MMP8: variants seen among roughly 807,000 people sequenced by gnomAD.
MMP8 encodes neutrophil collagenase.
In MMP8, 67 loss-of-function variants were observed where a neutral mutation model predicts 51.2. The observed-to-expected ratio is 1.31, with a 90% CI of 1.08 to 1.60. The LOEUF (loss-of-function observed/expected upper bound fraction) is 1.60, where lower values mean the gene tolerates loss of function less well. MMP8 is among the 40% of genes most tolerant of loss of function. The pLI is 0.00. For synonymous variants in MMP8, 225 were observed against 191.0 expected, an observed-to-expected ratio of 1.18 and a Z score of -1.47; for missense variants, 654 against 558.1, an observed-to-expected ratio of 1.17 and a Z score of -1.73.
In MMP8 at chr11:102,715,482, G is replaced by C. The variant is rs756854898; in HGVS notation, c.903-45C>G. 1.0e-4 allele frequency: 157 copies of C among 1,573,976 alleles called. 4 individuals are homozygous for C. In the South Asian group the frequency reaches 1.8e-3, roughly 18 times the overall value. On this transcript the variant is annotated intron_variant, in intron 6 of 9. Transcript: ENST00000236826. ...CACACACACACACTTATACATAACA[G>C]TCTAAGTAGGCAGTTCCTGTGACTT... is the stretch of plus-strand genomic sequence containing the variant.
At chr11:102,721,865 TA>T in intron 2 of MMP8, 103 bp from the exon 3 acceptor site, 2 of 1,331,336 alleles carry the variant, frequency 1.5e-6, no homozygotes, top group Admixed American at 4.0e-5. Context: ...CATGGTGTGC[TA>T]CCACTGGAGA....
At position 102,717,891 on chromosome 11, in the gene MMP8, G is replaced by A. The variant is rs566124673; in HGVS notation, c.784+523C>T. ...GGAGGCTGAGGTGGGCAGATCACTC[G>A]AGGTCAGGAGTTCAAGACCAGCCTG... On this transcript the variant is annotated intron_variant, in intron 5 of 9. Transcript: ENST00000236826. Among the ~76,000 whole-genome samples the A allele has an allele frequency of 1.5e-3, 223 of 152,276 alleles. 2 individuals are homozygous for A. Among genetic ancestry groups the A allele is most frequent in the African/African-American group, 5.1e-3 (214 of 41,558 alleles).
rs1304173785 is a variant in MMP8 at position 102,712,986 on chromosome 11, T to C, written c.*362A>G. On this transcript the variant is annotated 3_prime_UTR_variant, in exon 10 of 10. Coordinates refer to ENST00000236826, the MANE Select transcript of MMP8 (RefSeq NM_002424.3). ...CTAAATTGCATGTAGAAGATATACA[T>C]AGGACATTTTAAGAAACTGAGGGAT... 4 of 183,884 alleles carry C rather than the reference T, an allele frequency of 2.2e-5. No individual in the cohort carries two copies. The highest frequency in any genetic ancestry group is 3.4e-5 in the Non-Finnish European group (3 of 88,240). 11.4% of individuals were successfully genotyped at this position (183,884 alleles called of 1,614,324 possible).
intron 1 of MMP8, 25 bp from the exon 2 acceptor site, chr11:102,722,698 G>T: frequency 1.2e-6 from 2 of 1,609,654 alleles, no homozygotes; most frequent in Non-Finnish European, 1.7e-6. Context: ...GCACATAGGG[G>T]TCTTGCTGTG....
Position 102,716,431 on chromosome 11 carries a change from A to G in MMP8, c.785-12T>C, listed in dbSNP as rs1211086239. On this transcript the variant is annotated splice_polypyrimidine_tract_variant and intron_variant, in intron 5 of 9. Coordinates refer to ENST00000236826, the MANE Select transcript of MMP8 (RefSeq NM_002424.3). ...GTTGCTTGAAAGTCCTGGAAAAAAA[A>G]AAAAAAAAAAAAAAAAGGTCTTTCT... The G allele has an allele frequency of 7.0e-7, 1 of 1,422,764 alleles. No individual in the cohort carries two copies. The highest frequency in any genetic ancestry group is 2.5e-5 in the East Asian group (1 of 40,622). 88.1% of individuals were successfully genotyped at this position (1,422,764 alleles called of 1,614,324 possible). A position where few individuals can be genotyped will look rare whatever the true frequency, so the allele number is the denominator to read the frequency against.
rs1861370327 is a variant in MMP8, at chr11:102,718,471, C to T, written c.727G>A (p.Glu243Lys). Residue 243 changes from glutamate to lysine, a missense_variant, in exon 5 of 10, where the codon GAA becomes AAA. Glu to Lys is a moderately conservative substitution (Grantham distance 56). Transcript: ENST00000236826. ...ALMYPNYAFR[E>K]TSNYSLPQDD... ...TGAGGGAGTGAGTAGTTGCTGGTTT[C>T]CCTGAAAGCATAGTTGGGATACATC... The T allele has an allele frequency of 6.2e-7, 1 of 1,613,726 alleles. No individual in the cohort carries two copies. Among genetic ancestry groups the T allele is most frequent in the Non-Finnish European group, 8.5e-7 (1 of 1,179,856 alleles).
chr11:102,722,290 T>C lies in MMP8; in HGVS notation c.347+139A>G, dbSNP rs57828130. On this transcript the variant is annotated intron_variant, in intron 2 of 9. Coordinates refer to ENST00000236826, the MANE Select transcript of MMP8 (RefSeq NM_002424.3). ...GTATCTCAACATTTTCATTCTCATA[T>C]TCATTCACTACTCACACTCTTCAAA... The C allele has an allele frequency of 1.7e-4, 161 of 941,322 alleles. 1 individual carries two copies. The East Asian group carries it at 3.8e-3, about 22-fold the overall frequency. 58.3% of individuals were successfully genotyped at this position (941,322 alleles called of 1,614,324 possible).
At chr11:102,715,481 A>T in intron 6 of MMP8, 44 bp from the exon 7 acceptor site, 1 of 1,574,390 alleles carries the variant, frequency 6.4e-7, no homozygotes, top group Non-Finnish European at 8.6e-7. Context: ...TATACATAAC[A>T]GTCTAAGTAG....
rs113713628 is a variant in MMP8 at position 102,721,318 on chromosome 11, T to TTTTG, written c.622+82_622+83insCAAA. The TTTTG allele has an allele frequency of 2.3e-5, 31 of 1,353,582 alleles. No individual in the cohort carries two copies. In the East Asian group the frequency reaches 6.4e-4, roughly 28 times the overall value. 83.8% of individuals were successfully genotyped at this position (1,353,582 alleles called of 1,614,324 possible). A position where few individuals can be genotyped will look rare whatever the true frequency, so the allele number is the denominator to read the frequency against. On this transcript the variant is annotated intron_variant, in intron 4 of 9. Transcript: ENST00000236826. Reference sequence around the variant, plus strand: ...AGTTTGAAATATTATGTTACCTTTATTGTGTGTGTGTGTGTGTGTGTATTC... The same window carrying TTTTG: ...AGTTTGAAATATTATGTTACCTTTATTTTGTGTGTGTGTGTGTGTGTGTGTATTC...
rs769473206 is a variant in MMP8 at position 102,724,783 on chromosome 11, A to G, written c.73T>C (p.Ser25Pro). The change falls in exon 1 of 10, where the codon TCT becomes CCT. Residue 25 changes from serine (S) to proline (P), a missense_variant. Coordinates refer to ENST00000236826, the MANE Select transcript of MMP8 (RefSeq NM_002424.3). ...VQISKAFPVSSKEKNTKTVQD... is the reference protein window; with the variant it reads ...VQISKAFPVSPKEKNTKTVQD... ...ACAGTTTTTGTATTTTTCTCTTTAG[A>G]AGATACAGGAAAGGCCTTGGAAATC... 2.5e-6 allele frequency: 4 copies of G among 1,604,540 alleles called. No homozygotes were observed. Among genetic ancestry groups the G allele is most frequent in the East Asian group, 2.2e-5 (1 of 44,704 alleles).
chr11:102,715,029 G>T (rs1861247084), intron 7 of MMP8, among the ~76,000 whole-genome samples: 1 of 151,994 alleles, frequency 6.6e-6, no homozygotes, highest in African/African-American at 2.4e-5. Flanking sequence ...GAGTCTTAGA[G>T]AATTGTATCT....
chr11:102,719,528 A>G (rs976878568), intron 4 of MMP8, among the ~76,000 whole-genome samples: 3 of 152,224 alleles, frequency 2.0e-5, no homozygotes, highest in Non-Finnish European at 4.4e-5. Context: ...GATTTTGAAT[A>G]GCTGGTACTT....
At position 102,713,221 on chromosome 11, in the gene MMP8, G is replaced by A. The variant is rs1861176423; in HGVS notation, c.*127C>T. The A allele has an allele frequency of 1.1e-5, 7 of 659,510 alleles. No homozygotes were observed. The South Asian group carries it at 1.3e-4, about 12-fold the overall frequency. The allele number at this position is 659,510 out of a possible 1,614,324, so 40.9% of individuals were successfully genotyped here. A position where few individuals can be genotyped will look rare whatever the true frequency, so the allele number is the denominator to read the frequency against. On this transcript the variant is annotated 3_prime_UTR_variant, in exon 10 of 10. Coordinates refer to ENST00000236826, the MANE Select transcript of MMP8 (RefSeq NM_002424.3). ...TATTTTCACGGAGGACAGGTAGAAT[G>A]GATACAGTGATGGGAAACAATGACT...
chr11:102,718,588 C>T lies in MMP8; in HGVS notation c.623-13G>A. 1 of 1,613,640 alleles carries T rather than the reference C, an allele frequency of 6.2e-7. No homozygotes were observed. The highest frequency in any genetic ancestry group is 1.3e-5 in the African/African-American group (1 of 74,984). ...AACAAGTTGTAATCTGAAATGCAAA[C>T]ACGGGTGGTAAACAGCTCAGTGTGG... On this transcript the variant is annotated splice_polypyrimidine_tract_variant and intron_variant, in intron 4 of 9. Coordinates refer to ENST00000236826, the MANE Select transcript of MMP8 (RefSeq NM_002424.3).
At chr11:102,720,456 A>G (rs1861435266) in intron 4 of MMP8, among the ~76,000 whole-genome samples, 1 of 152,226 alleles carries the variant, frequency 6.6e-6, no homozygotes, top group Admixed American at 6.5e-5. Flanking sequence ...CACAGCTCCT[A>G]GCATATGGAC....
At chr11:102,722,308 T>G (rs1861496087) in intron 2 of MMP8, 121 bp downstream of exon 2, 10 of 1,096,782 alleles carry the variant, frequency 9.1e-6, no homozygotes, top group Non-Finnish European at 1.2e-5. Context: ...CTACTCACAC[T>G]CTTCAAAGGC....
intron 7 of MMP8, 53 bp from the exon 8 acceptor site, chr11:102,714,762 TTATATATA>T (rs58774554): frequency 0.052 from 9,225 of 176,150 alleles, 329 homozygotes; most frequent in East Asian, 0.11. Flanking sequence ...TTTTACAAAA[TTATATATA>T]TATATATATA....
intron 4 of MMP8, 25 bp downstream of exon 4, chr11:102,721,376 G>A: frequency 6.2e-7 from 1 of 1,613,250 alleles, no homozygotes; most frequent in Non-Finnish European, 8.5e-7. Context: ...GAAGCTGTGT[G>A]TGGACATAAT....
rs1861576742 is a variant in MMP8 at position 102,724,916 on chromosome 11, TC to T, written c.-62del. Reference sequence around the variant, plus strand: ...TTTCTGTCCCTCTGGGTAGGGCCCTTCCCTGGCGAGCACCCTGACGTTCACA... The same window carrying T: ...TTTCTGTCCCTCTGGGTAGGGCCCTTCCTGGCGAGCACCCTGACGTTCACA... On this transcript the variant is annotated 5_prime_UTR_variant, in exon 1 of 10. Coordinates refer to ENST00000236826, the MANE Select transcript of MMP8 (RefSeq NM_002424.3). 1.3e-6 allele frequency: 2 copies of T among 1,549,048 alleles called. No individual in the cohort carries two copies. Among genetic ancestry groups the T allele is most frequent in the Non-Finnish European group, 1.7e-6 (2 of 1,142,868 alleles).
Sources: allele counts gnomAD v4.1 joint callset (sites outside exome capture counted in the v4.1 genomes callset), GRCh38; gene constraint gnomAD v4.1.1; transcripts MANE v1.5; gene names NCBI Gene and HGNC (gene_info 2026-07-23, HGNC 2026-07-21).